The following KIAA0825 variants were observed in gnomAD, a reference collection of about 807,000 sequenced individuals.
KIAA0825 encodes the protein uncharacterized protein KIAA0825.
Under a neutral mutation model 147.6 loss-of-function variants are expected in KIAA0825, and 119 were observed. The observed-to-expected ratio is 0.81, with a 90% confidence interval of 0.69 to 0.94. The LOEUF (loss-of-function observed/expected upper bound fraction) is 0.94. KIAA0825 is among the 40% of genes least tolerant of loss of function. The probability of loss-of-function intolerance (pLI) is 0.00; values close to 1 mark genes in which losing one functional copy is unlikely to be tolerated. For missense variants in KIAA0825, 1,381 were observed against 1,472.7 expected (o/e 0.94, Z 1.02); for synonymous variants, 470 against 518.1 (o/e 0.91, Z 1.26).
At chr5:94,377,522 A>C (rs1747756836) in intron 20 of KIAA0825, among the ~76,000 whole-genome samples, 1 of 152,206 alleles carries the variant, frequency 6.6e-6, no homozygotes, top group Non-Finnish European at 1.5e-5. Flanking sequence ...TCACCATCTC[A>C]TTCTCTAGTC....
chr5:94,163,728 A>G (rs1189188127), intron 20 of KIAA0825, among the ~76,000 whole-genome samples: 2 of 152,202 alleles, frequency 1.3e-5, no homozygotes, highest in African/African-American at 4.8e-5. Context: ...TAAGGGATCA[A>G]AATACATAAT....
intron 20 of KIAA0825, among the ~76,000 whole-genome samples, chr5:94,231,020 G>C (rs1774646824): frequency 6.6e-6 from 1 of 152,100 alleles, no homozygotes; most frequent in African/African-American, 2.4e-5. Context: ...GAAAAACCTT[G>C]ACAGTTTCCC....
chr5:94,231,192 A>C (rs533622887), intron 20 of KIAA0825, among the ~76,000 whole-genome samples: 1 of 152,312 alleles, frequency 6.6e-6, no homozygotes, highest in Non-Finnish European at 1.5e-5. Flanking sequence ...TAAAAAGGTC[A>C]TAACATTAAT....
At chr5:94,509,621 A>C (rs1279894146) in intron 5 of KIAA0825, among the ~76,000 whole-genome samples, 1 of 152,222 alleles carries the variant, frequency 6.6e-6, no homozygotes, top group Non-Finnish European at 1.5e-5. Context: ...CAATAAAGAC[A>C]ACATATGTCT....
chr5:94,470,769 G>A (rs1045090167), intron 9 of KIAA0825, among the ~76,000 whole-genome samples: 2 of 151,744 alleles, frequency 1.3e-5, no homozygotes, highest in Admixed American at 6.6e-5. Context: ...CATAACTAAC[G>A]GACTGCAAAG....
intron 20 of KIAA0825, among the ~76,000 whole-genome samples, chr5:94,290,496 G>T (rs1777841084): frequency 6.6e-6 from 1 of 152,120 alleles, no homozygotes. Flanking sequence ...AGTATCCCAT[G>T]GTGTATATGT....
At chr5:94,363,863 T>C (rs564127785) in intron 20 of KIAA0825, among the ~76,000 whole-genome samples, 4 of 151,678 alleles carry the variant, frequency 2.6e-5, no homozygotes, top group Admixed American at 6.6e-5. Context: ...GCAAGATTTA[T>C]CTCTAAAAAA....
intron 4 of KIAA0825, among the ~76,000 whole-genome samples, chr5:94,523,447 C>T (rs763795419): frequency 6.6e-6 from 1 of 151,550 alleles, no homozygotes; most frequent in East Asian, 1.9e-4. Context: ...GCATAAATTG[C>T]TACCTTGATT....
intron 20 of KIAA0825, among the ~76,000 whole-genome samples, chr5:94,232,673 T>C (rs1402411904): frequency 6.6e-6 from 1 of 152,122 alleles, no homozygotes; most frequent in Non-Finnish European, 1.5e-5. Flanking sequence ...ACTTTTGTAA[T>C]TGATATTTTT....
rs773456189 is a variant in KIAA0825 at position 94,154,143 on chromosome 5, C to T, written c.3711-19G>A. ...TTCCCACCTAAAAGAAAAATCACAT[C>T]TTAGCATTTTTGTAACTTTCAAACC... On this transcript the variant is annotated intron_variant, in intron 20 of 20. Transcript: ENST00000682413. 1.9e-5 allele frequency: 28 copies of T among 1,476,876 alleles called. No homozygotes were observed. The allele number at this position is 1,476,876 out of a possible 1,614,324, so 91.5% of individuals were successfully genotyped here. A position where few individuals can be genotyped will look rare whatever the true frequency, so the allele number is the denominator to read the frequency against.
rs540138141 is a variant in KIAA0825, at chr5:94,380,044, G to A, written c.3710+4324C>T. Among the ~76,000 whole-genome samples, 7 of 151,592 alleles carry A rather than the reference G, an allele frequency of 4.6e-5. No homozygotes were observed. The East Asian group carries it at 5.8e-4, about 13-fold the overall frequency. The stretch of plus-strand genomic sequence containing the variant: ...AATTTCTCGTATTTTTAGTAAAGAC[G>A]GGATTTCACCATGTTAGCCAGGATG... On this transcript the variant is annotated intron_variant, in intron 20 of 20. Transcript: ENST00000682413.
chr5:94,572,964 C>T (rs577377512), intron 2 of KIAA0825, among the ~76,000 whole-genome samples: 2 of 152,250 alleles, frequency 1.3e-5, no homozygotes, highest in African/African-American at 4.8e-5. Flanking sequence ...GTGACCATGG[C>T]CCATGGCACA....
At chr5:94,506,982 T>A (rs892319117) in intron 5 of KIAA0825, among the ~76,000 whole-genome samples, 1 of 152,178 alleles carries the variant, frequency 6.6e-6, no homozygotes, top group East Asian at 1.9e-4. Flanking sequence ...GAACTCGTAA[T>A]TGCATTATAT....
At chr5:94,329,890 A>T (rs1411729408) in intron 20 of KIAA0825, among the ~76,000 whole-genome samples, 1 of 151,818 alleles carries the variant, frequency 6.6e-6, no homozygotes, top group African/African-American at 2.4e-5. Flanking sequence ...TTGATCACAC[A>T]GAGGTAAAGA....
chr5:94,378,513 C>A (rs1432512698), intron 20 of KIAA0825, among the ~76,000 whole-genome samples: 5 of 145,590 alleles, frequency 3.4e-5, no homozygotes, highest in Non-Finnish European at 3.1e-5. Flanking sequence ...CATTGATGAG[C>A]ATTTAGGTTG....
intron 20 of KIAA0825, among the ~76,000 whole-genome samples, chr5:94,293,027 AGTCT>A (rs763366244): frequency 6.7e-6 from 1 of 148,736 alleles, no homozygotes; most frequent in Non-Finnish European, 1.5e-5. Flanking sequence ...TCTGGCTAGC[AGTCT>A]GTCTATTTTG....
intron 20 of KIAA0825, among the ~76,000 whole-genome samples, chr5:94,204,474 A>G (rs919580329): frequency 6.6e-6 from 1 of 152,194 alleles, no homozygotes. Context: ...TTTTTCTGTT[A>G]TACTAAGTTA....
At chr5:94,384,535 G>T in intron 19 of KIAA0825, 77 bp from the exon 20 acceptor site, 2 of 1,186,472 alleles carry the variant, frequency 1.7e-6, no homozygotes, top group Non-Finnish European at 1.2e-6. Flanking sequence ...TAAAGCTCCA[G>T]CTGTGATAGA....
chr5:94,174,112 G>A (rs1768879249), intron 20 of KIAA0825, among the ~76,000 whole-genome samples: 1 of 152,250 alleles, frequency 6.6e-6, no homozygotes, highest in African/African-American at 2.4e-5. Context: ...CCACTGCACT[G>A]TGGGGCTCCC....
Sources: allele counts gnomAD v4.1 joint callset (sites outside exome capture counted in the v4.1 genomes callset), GRCh38; gene constraint gnomAD v4.1.1; transcripts MANE v1.5; gene names NCBI Gene and HGNC (gene_info 2026-07-23, HGNC 2026-07-21).